ACIN1: variants seen among roughly 807,000 people sequenced by gnomAD.
The protein encoded by ACIN1 is apoptotic chromatin condensation inducer 1.
Under a neutral mutation model 146.6 loss-of-function variants are expected in ACIN1, and 16 were observed. That is an observed-to-expected ratio of 0.11 (90% CI 0.07 to 0.17). The LOEUF (loss-of-function observed/expected upper bound fraction) is 0.17. Ranked by LOEUF, ACIN1 falls within the 10% of genes least tolerant of loss-of-function variation. The probability of loss-of-function intolerance (pLI) is 1.00; values close to 1 mark genes in which losing one functional copy is unlikely to be tolerated. For synonymous variants in ACIN1, 569 were observed against 582.7 expected (o/e 0.98, Z 0.34); for missense variants, 1,357 against 1,609.3 (o/e 0.84, Z 2.68).
At position 23,080,592 on chromosome 14, in the gene ACIN1, T is replaced by A; in HGVS notation, c.743A>T (p.Glu248Val). The A allele has an allele frequency of 4.3e-6, 7 of 1,614,120 alleles. No homozygotes were observed. Among genetic ancestry groups the A allele is most frequent in the Non-Finnish European group, 5.9e-6 (7 of 1,180,008 alleles). The change falls in exon 6 of 19, where the codon GAA (glutamate) becomes GTA (valine). Residue 248 changes from glutamate (E) to valine (V), a missense_variant. By Grantham distance (121) the Glu-to-Val change is moderately radical. Transcript: ENST00000605057. The stretch of plus-strand genomic sequence containing the variant: ...TACTCTAGGTATCTCTTCCCCTTCT[T>A]CCTTAAACTCTTTCAGGATTGGTGC... ...REAPILKEFK[E>V]EGEEIPRVKP...
At chr14:23,066,073 G>T in intron 9 of ACIN1, 65 bp from the exon 10 acceptor site, 1 of 1,351,904 alleles carries the variant, frequency 7.4e-7, no homozygotes, top group African/African-American at 1.4e-5. Context: ...AGGGGGGAAG[G>T]AGGTTAGATG....
intron 7 of ACIN1, 41 bp from the exon 8 acceptor site, chr14:23,078,307 G>A (rs1037670595): frequency 1.3e-6 from 2 of 1,579,358 alleles, no homozygotes; most frequent in Middle Eastern, 3.5e-4. Context: ...AAAACATTTA[G>A]ATCTGCTTGG....
At chr14:23,061,877 G>A (rs543457810) in intron 16 of ACIN1, among the ~76,000 whole-genome samples, 1 of 151,598 alleles carries the variant, frequency 6.6e-6, no homozygotes, top group South Asian at 2.1e-4. Flanking sequence ...GGGAGGCTGA[G>A]GCAGGAGAAT....
intron 4 of ACIN1, among the ~76,000 whole-genome samples, chr14:23,083,033 C>T (rs1001514568): frequency 6.6e-6 from 1 of 151,766 alleles, no homozygotes; most frequent in Non-Finnish European, 1.5e-5. Flanking sequence ...GTCACCGCAC[C>T]CGGACTAGGT....
intron 8 of ACIN1, 60 bp downstream of exon 8, chr14:23,078,091 C>A: frequency 2.0e-6 from 3 of 1,501,496 alleles, no homozygotes; most frequent in East Asian, 2.3e-5. Flanking sequence ...CCCTAGGGAG[C>A]GAAGAACTAT....
intron 4 of ACIN1, among the ~76,000 whole-genome samples, chr14:23,082,138 A>C (rs1392307764): frequency 6.6e-6 from 1 of 152,224 alleles, no homozygotes; most frequent in East Asian, 1.9e-4. Flanking sequence ...CAAACTGTCT[A>C]GCAGGGATGT....
At chr14:23,078,316 G>C in intron 7 of ACIN1, 50 bp from the exon 8 acceptor site, 1 of 1,558,808 alleles carries the variant, frequency 6.4e-7, no homozygotes, top group Non-Finnish European at 8.8e-7. Flanking sequence ...AGATCTGCTT[G>C]GTTCCTTTTC....
rs762525652 is a variant in ACIN1, at chr14:23,062,891, C to T, written c.2883+38G>A. Reference sequence around the variant, plus strand: ...CATAAGCCTAAAGCTCAAACTTAACCACTAAGCAAGCTGGGATGGTGAGAA... The same window carrying T: ...CATAAGCCTAAAGCTCAAACTTAACTACTAAGCAAGCTGGGATGGTGAGAA... On this transcript the variant is annotated intron_variant, in intron 14 of 18. Coordinates refer to ENST00000605057, the MANE Select transcript of ACIN1 (RefSeq NM_001386863.1). 3.2e-6 allele frequency: 5 copies of T among 1,574,320 alleles called. No individual in the cohort carries two copies. The Admixed American group carries it at 9.3e-5, about 29-fold the overall frequency.
At chr14:23,060,786 G>C (rs1283141553) in intron 18 of ACIN1, among the ~76,000 whole-genome samples, 2 of 152,066 alleles carry the variant, frequency 1.3e-5, no homozygotes, top group Non-Finnish European at 2.9e-5. Context: ...GCTGGCATTA[G>C]AGGCGTGAGC....
At position 23,058,998 on chromosome 14, in the gene ACIN1, G is replaced by A. The variant is rs2047180753; in HGVS notation, c.*150C>T. On this transcript the variant is annotated 3_prime_UTR_variant, in exon 19 of 19. Coordinates refer to ENST00000605057, the MANE Select transcript of ACIN1 (RefSeq NM_001386863.1). ...TAAGGGGGTGTGTTTGGGGGGAAAA[G>A]GATGGCCACTTTTCCATTTGGTATG... The A allele has an allele frequency of 2.8e-6, 2 of 708,760 alleles. No homozygotes were observed. The highest frequency in any genetic ancestry group is 1.8e-5 in the African/African-American group (1 of 55,924). The allele number at this position is 708,760 out of a possible 1,614,324, so 43.9% of individuals were successfully genotyped here.
rs904721771 is a variant in ACIN1 at position 23,062,456 on chromosome 14, G to T, written c.2951C>A (p.Ala984Asp). 2 of 1,614,140 alleles carry T rather than the reference G, an allele frequency of 1.2e-6. No homozygotes were observed. Among genetic ancestry groups the T allele is most frequent in the African/African-American group, 2.7e-5 (2 of 75,018 alleles). ...LGRTGTLVEEAFWIDKIKSHC... is the reference protein window; with the variant it reads ...LGRTGTLVEEDFWIDKIKSHC... ...AGATTTGATCTTGTCAATCCAGAAG[G>T]CCTCTTCCACCAAGGTTCCTGTGCG... is the stretch of plus-strand genomic sequence containing the variant. The change falls in exon 15 of 19, where the codon GCC becomes GAC. Residue 984 changes from alanine (A) to aspartate (D), a missense_variant. This residue lies in a region of ACIN1 where 509 missense variants were observed against 719.6 expected (regional missense o/e 0.71). Transcript: ENST00000605057.
chr14:23,091,085 A>G (rs1235340035), intron 2 of ACIN1, among the ~76,000 whole-genome samples: 1 of 151,934 alleles, frequency 6.6e-6, no homozygotes, highest in African/African-American at 2.4e-5. Flanking sequence ...TTGTATTTTT[A>G]GTAGAGACGG....
chr14:23,082,757 G>A (rs1397588607), intron 4 of ACIN1, among the ~76,000 whole-genome samples: 2 of 117,606 alleles, frequency 1.7e-5, no homozygotes, highest in Non-Finnish European at 3.4e-5. Context: ...TTTTTTTTTT[G>A]AGACAGAGTT....
intron 14 of ACIN1, 69 bp from the exon 15 acceptor site, chr14:23,062,592 G>C (rs962571019): frequency 7.0e-7 from 1 of 1,419,552 alleles, no homozygotes; most frequent in Non-Finnish European, 1.0e-6. Flanking sequence ...TAGATTTCCC[G>C]AGCTGCTGTC....
intron 8 of ACIN1, 28 bp from the exon 9 acceptor site, chr14:23,069,645 GGGGC>G: frequency 1.5e-5 from 15 of 1,026,608 alleles, no homozygotes; most frequent in South Asian, 2.6e-5. Context: ...TGGTGGTGGG[GGGGC>G]GGGCAGAAAA....
Position 23,062,999 on chromosome 14 carries a change from G to A in ACIN1, c.2813C>T (p.Pro938Leu), listed in dbSNP as rs1411425577. The A allele has an allele frequency of 6.2e-7, 1 of 1,613,982 alleles. No homozygotes were observed. The highest frequency in any genetic ancestry group is 2.2e-5 in the East Asian group (1 of 44,878). The change falls in exon 14 of 19, where the codon CCA becomes CTA. Residue 938 changes from proline to leucine, a missense_variant. Coordinates refer to ENST00000605057, the MANE Select transcript of ACIN1 (RefSeq NM_001386863.1). ...KSGVSITIDD[P>L]VRTAQVPSPP... Reference sequence around the variant, plus strand: ...GGAGGGCACCTGGGCAGTTCGGACTGGGTCATCAATGGTAATGGAAACTCC... The same window carrying A: ...GGAGGGCACCTGGGCAGTTCGGACTAGGTCATCAATGGTAATGGAAACTCC...
At chr14:23,063,708 G>A (rs565479122) in intron 12 of ACIN1, 131 bp from the exon 13 acceptor site, 6 of 1,074,424 alleles carry the variant, frequency 5.6e-6, no homozygotes, top group Middle Eastern at 2.6e-4. Flanking sequence ...TTTCGTTATC[G>A]GCTCACTTCT....
chr14:23,067,876 G>A lies in ACIN1; in HGVS notation c.2265+1600C>T, dbSNP rs999809984. 2 of 985,752 alleles carry A rather than the reference G, an allele frequency of 2.0e-6. No homozygotes were observed. Among genetic ancestry groups the A allele is most frequent in the African/African-American group, 3.5e-5 (2 of 57,214 alleles). The allele number at this position is 985,752 out of a possible 1,614,324, so 61.1% of individuals were successfully genotyped here. A position where few individuals can be genotyped will look rare whatever the true frequency, so the allele number is the denominator to read the frequency against. Reference sequence around the variant, plus strand: ...TGATGAAGGTAGCCTGGGGGTAGGTGAATACCCCAGGACCTGGCAGACATT... The same window carrying A: ...TGATGAAGGTAGCCTGGGGGTAGGTAAATACCCCAGGACCTGGCAGACATT... On this transcript the variant is annotated intron_variant, in intron 9 of 18. Coordinates refer to ENST00000605057, the MANE Select transcript of ACIN1 (RefSeq NM_001386863.1). This position sits in a 1 kb window ranked among gnomAD's most constrained non-coding sequence, Gnocchi z 4.6.
chr14:23,072,545 C>T (rs955840112), intron 8 of ACIN1, among the ~76,000 whole-genome samples: 8 of 152,104 alleles, frequency 5.3e-5, no homozygotes, highest in African/African-American at 1.9e-4. Context: ...GAAACAGATG[C>T]TAATAGTTCA....
Sources: allele counts gnomAD v4.1 joint callset (sites outside exome capture counted in the v4.1 genomes callset), GRCh38; gene constraint gnomAD v4.1.1; regional missense constraint gnomAD v4.1.1; non-coding constraint Gnocchi (gnomAD v3.1); transcripts MANE v1.5; gene names NCBI Gene and HGNC (gene_info 2026-07-23, HGNC 2026-07-21).